The following FAM161A variants were observed in gnomAD, a reference collection of about 807,000 sequenced individuals.
The protein encoded by FAM161A is FAM161 centrosomal protein A.
A neutral mutation model predicts 70.9 loss-of-function variants in FAM161A; 57 were observed. The ratio of observed to expected loss-of-function variants is 0.80; its 90% CI spans 0.65 to 1.00. The LOEUF (loss-of-function observed/expected upper bound fraction) is 1.00, where lower values mean the gene tolerates loss of function less well. FAM161A is among the 50% of genes least tolerant of loss of function. The pLI is 0.00. For missense variants in FAM161A, 880 were observed against 836.0 expected, an observed-to-expected ratio of 1.05 and a Z score of -0.65; for synonymous variants, 299 against 295.7, an observed-to-expected ratio of 1.01 and a Z score of -0.12.
At chr2:61,808,168 C>T in the FAM161A span, among the ~76,000 whole-genome samples, 1 of 152,226 alleles carries the variant, frequency 6.6e-6, no homozygotes, top group African/African-American at 2.4e-5. Flanking sequence ...TAGGAAATTG[C>T]CTTATCTTTT....
intron 1 of FAM161A, among the ~76,000 whole-genome samples, chr2:61,850,257 G>A (rs568461901): frequency 1.4e-4 from 21 of 152,142 alleles, no homozygotes; most frequent in African/African-American, 3.6e-4. Flanking sequence ...TTAGCCGGGC[G>A]TGGTGGCACA....
intron 5 of FAM161A, among the ~76,000 whole-genome samples, chr2:61,833,368 G>C (rs1558478244): frequency 6.6e-6 from 1 of 150,576 alleles, no homozygotes. Flanking sequence ...AGAGGTTGCA[G>C]TGAGCTGAGA....
chr2:61,826,022 T>A lies in FAM161A; in HGVS notation c.*433A>T. The A allele has an allele frequency of 2.2e-6, 1 of 454,470 alleles. No individual in the cohort carries two copies. 28.2% of individuals were successfully genotyped at this position (454,470 alleles called of 1,614,324 possible). Reference sequence around the variant, plus strand: ...TGAAATGCACTGCAGAGAAAAAGAATGGGCAAATAGTATAATTAAAAATAG... The same window carrying A: ...TGAAATGCACTGCAGAGAAAAAGAAAGGGCAAATAGTATAATTAAAAATAG... On this transcript the variant is annotated 3_prime_UTR_variant, in exon 7 of 7. Coordinates refer to ENST00000404929, the MANE Select transcript of FAM161A (RefSeq NM_001201543.2).
chr2:61,838,497 G>T, intron 4 of FAM161A, 41 bp downstream of exon 4: 2 of 1,509,474 alleles, frequency 1.3e-6, no homozygotes, highest in Non-Finnish European at 9.0e-7. Context: ...AAAAGAGTTT[G>T]AAAACCAGTG....
chr2:61,840,497 CA>C lies in FAM161A; in HGVS notation c.506del (p.Leu169CysfsTer13). The C allele has an allele frequency of 6.2e-7, 1 of 1,613,940 alleles. No homozygotes were observed. The highest frequency in any genetic ancestry group is 1.1e-5 in the South Asian group (1 of 91,074). On this transcript the variant is annotated frameshift_variant, in exon 3 of 7. Coordinates refer to ENST00000404929, the MANE Select transcript of FAM161A (RefSeq NM_001201543.2). LOFTEE classifies it high-confidence loss of function. ...SEPDLGQSSS[L>X]YVSSSEEELP... ...ACTCCTCTTCAGAGGAGGACACATA[CA>C]AGGAGGAAGACTGGCCTAAATCAGG...
At chr2:61,824,260 G>A (rs1672276781), downstream of FAM161A, among the ~76,000 whole-genome samples, 2 of 146,106 alleles carry the variant, frequency 1.4e-5, no homozygotes, top group African/African-American at 2.5e-5. Context: ...GGATGGTCTC[G>A]ATCTCCTGAC....
chr2:61,852,675 G>A (rs1439761499), intron 1 of FAM161A, among the ~76,000 whole-genome samples: 1 of 152,128 alleles, frequency 6.6e-6, no homozygotes, highest in Admixed American at 6.5e-5. Context: ...CTCTGATCCT[G>A]GTTCATGTTC....
At position 61,827,357 on chromosome 2, in the gene FAM161A, T is replaced by C. The variant is rs574985371; in HGVS notation, c.1852-99A>G. 8.3e-6 allele frequency: 10 copies of C among 1,207,590 alleles called. No homozygotes were observed. In the African/African-American group the frequency reaches 1.5e-4, roughly 18 times the overall value. The allele number at this position is 1,207,590 out of a possible 1,614,324, so 74.8% of individuals were successfully genotyped here. On this transcript the variant is annotated intron_variant, in intron 5 of 6. Coordinates refer to ENST00000404929, the MANE Select transcript of FAM161A (RefSeq NM_001201543.2). ...CAGGCGCGGTGGCTCACGCCTGTAA[T>C]CCCAGTGCTTTGGGAGGCCGAGACG...
At chr2:61,836,315 G>C (rs1284906477) in intron 4 of FAM161A, 1 of 517,150 alleles carries the variant, frequency 1.9e-6, no homozygotes, top group East Asian at 3.5e-5. Flanking sequence ...ATGGAATGCA[G>C]AATAAAATCC....
At chr2:61,827,951 T>C (rs977518741) in intron 5 of FAM161A, among the ~76,000 whole-genome samples, 4 of 152,154 alleles carry the variant, frequency 2.6e-5, no homozygotes, top group Non-Finnish European at 4.4e-5. Context: ...ACAAATATAA[T>C]ACTGAGCAAA....
the FAM161A span, among the ~76,000 whole-genome samples, chr2:61,812,458 A>C: frequency 6.6e-6 from 1 of 152,190 alleles, no homozygotes; most frequent in Non-Finnish European, 1.5e-5. Context: ...GTGGTGGCTC[A>C]CGCCTGTAAT....
intron 3 of FAM161A, 96 bp from the exon 4 acceptor site, chr2:61,838,801 A>T: frequency 1.2e-6 from 1 of 853,532 alleles, no homozygotes; most frequent in African/African-American, 1.7e-5. Context: ...TTGATAATTC[A>T]AAATTTGAAA....
At position 61,839,753 on chromosome 2, in the gene FAM161A, C is replaced by A. The variant is rs1166779801; in HGVS notation, c.1251G>T (p.Lys417Asn). 6.2e-7 allele frequency: 1 copy of A among 1,614,186 alleles called. No individual in the cohort carries two copies. The highest frequency in any genetic ancestry group is 1.1e-5 in the South Asian group (1 of 91,078). Reference protein sequence around the residue: ...RNPRCPEQAVKLKCKHKVRCP... With the variant: ...RNPRCPEQAVNLKCKHKVRCP... ...ACCTAACCTTGTGTTTACACTTCAA[C>A]TTTACAGCCTGTTCAGGACACCTGG... The change falls in exon 3 of 7, where the codon AAG becomes AAT. Residue 417 changes from lysine to asparagine, a missense_variant. Lys to Asn is a moderately conservative substitution (Grantham distance 94). Coordinates refer to ENST00000404929, the MANE Select transcript of FAM161A (RefSeq NM_001201543.2).
downstream of FAM161A, chr2:61,824,788 A>C: frequency 3.1e-6 from 1 of 319,424 alleles, no homozygotes; most frequent in Non-Finnish European, 6.1e-6. Flanking sequence ...GCTAGGAGGG[A>C]AATGTTTTTA....
intron 5 of FAM161A, 103 bp from the exon 6 acceptor site, chr2:61,827,361 A>G: frequency 1.7e-6 from 2 of 1,173,868 alleles, no homozygotes; most frequent in Non-Finnish European, 2.5e-6. Flanking sequence ...CTGTAATCCC[A>G]GTGCTTTGGG....
chr2:61,808,551 C>T, the FAM161A span, among the ~76,000 whole-genome samples: 2 of 152,116 alleles, frequency 1.3e-5, no homozygotes, highest in Non-Finnish European at 2.9e-5. Flanking sequence ...GGATTACAGG[C>T]ATGAGCCACC....
At chr2:61,820,186 C>T (rs1382233710), downstream of FAM161A, 1 of 530,608 alleles carries the variant, frequency 1.9e-6, no homozygotes, top group Non-Finnish European at 3.4e-6. Context: ...TAAAATCTCT[C>T]TTCCCACTGC....
chr2:61,829,579 A>C (rs1040375809), intron 5 of FAM161A, among the ~76,000 whole-genome samples: 1 of 152,346 alleles, frequency 6.6e-6, no homozygotes, highest in East Asian at 1.9e-4. Context: ...AGAAATAAGA[A>C]CTATACCCTA....
chr2:61,809,729 C>T, the FAM161A span, among the ~76,000 whole-genome samples: 130 of 152,290 alleles, frequency 8.5e-4, no homozygotes, highest in Middle Eastern at 6.8e-3. Flanking sequence ...TTTGTCTCTT[C>T]ACCCTTTGAA....
Sources: allele counts gnomAD v4.1 joint callset (sites outside exome capture counted in the v4.1 genomes callset), GRCh38; gene constraint gnomAD v4.1.1; transcripts MANE v1.5; gene names NCBI Gene and HGNC (gene_info 2026-07-23, HGNC 2026-07-21).